The following BCL2 variants were observed in gnomAD, a reference collection of about 807,000 sequenced individuals.
BCL2 encodes BCL2 apoptosis regulator, also known as apoptosis regulator Bcl-2.
Under a neutral mutation model 14.2 loss-of-function variants are expected in BCL2, and 1 was observed. The ratio of observed to expected loss-of-function variants is 0.07; its 90% confidence interval spans 0.02 to 0.33. The LOEUF (loss-of-function observed/expected upper bound fraction) is 0.33. Among genes scored for constraint, BCL2 ranks in the 10% least tolerant of loss-of-function variants. The pLI, the probability that BCL2 is intolerant of heterozygous loss-of-function variation, is 0.99. For missense variants in BCL2, 247 were observed against 305.9 expected (o/e 0.81, Z 1.44); for synonymous variants, 151 against 137.2 (o/e 1.10, Z -0.70).
In BCL2 at chr18:63,136,964, T is replaced by C. The variant is rs575497290; in HGVS notation, c.586-8205A>G. ...ACTGCCAATTTTACCACCTGAACAC[T>C]TCTCTCTCCCTTTACCTTCTCTCCC... On this transcript the variant is annotated intron_variant, in intron 2 of 2. Transcript: ENST00000333681. 3.9e-5 allele frequency among the ~76,000 whole-genome samples: 6 copies of C among 152,346 alleles called. No individual in the cohort carries two copies. The South Asian group carries it at 1.2e-3, about 32-fold the overall frequency.
chr18:63,289,222 G>T (rs1206676658), intron 2 of BCL2, among the ~76,000 whole-genome samples: 1 of 151,950 alleles, frequency 6.6e-6, no homozygotes, highest in Non-Finnish European at 1.5e-5. Flanking sequence ...GCAAACATTT[G>T]TATATCAAAG....
Position 63,149,383 on chromosome 18 carries a change from C to T in BCL2, c.586-20624G>A, listed in dbSNP as rs1370097674. 6.6e-6 allele frequency among the ~76,000 whole-genome samples: 1 copy of T among 152,212 alleles called. No homozygotes were observed. The highest frequency in any genetic ancestry group is 1.5e-5 in the Non-Finnish European group (1 of 68,030). On this transcript the variant is annotated intron_variant, in intron 2 of 2. Transcript: ENST00000333681. The surrounding 1 kb of genome is among the most constrained non-coding windows in gnomAD (Gnocchi z 4.2). ...GAGCCGGAGCTCAGGCAGTGATGCT[C>T]GCCAGCTGCTCACCTCCTGCTGTGC...
At chr18:63,207,854 T>C (rs1351402149) in intron 2 of BCL2, 1 of 152,238 alleles carries the variant, frequency 6.6e-6, no homozygotes, top group Admixed American at 6.5e-5. Context: ...ATTAATGCTA[T>C]ATGGTTATTC....
intron 2 of BCL2, among the ~76,000 whole-genome samples, chr18:63,169,327 C>T (rs1221665478): frequency 0.018 from 656 of 36,720 alleles, 66 homozygotes; most frequent in East Asian, 0.086. Flanking sequence ...TTCCTTCTTT[C>T]CTTTCCTTCC....
At chr18:63,247,305 TCTC>T (rs1279257012) in intron 2 of BCL2, among the ~76,000 whole-genome samples, 1 of 147,228 alleles carries the variant, frequency 6.8e-6, no homozygotes, top group Admixed American at 6.7e-5. Context: ...TTCAAGCAAT[TCTC>T]CTGCCTAAGC....
chr18:63,294,819 G>A (rs1472801803), intron 2 of BCL2, among the ~76,000 whole-genome samples: 1 of 152,222 alleles, frequency 6.6e-6, no homozygotes, highest in East Asian at 1.9e-4. Context: ...CAATGTTGGA[G>A]AATTACTATC....
intron 2 of BCL2, among the ~76,000 whole-genome samples, chr18:63,290,959 C>T (rs950804201): frequency 3.3e-5 from 5 of 152,094 alleles, no homozygotes; most frequent in Admixed American, 6.5e-5. Context: ...GATAAAGCGG[C>T]TCACCATCTG....
In BCL2 at chr18:63,128,616, A is replaced by G. The variant is rs1448412683; in HGVS notation, c.*9T>C. ...TTTTGCATATTTGTTTGGGGCAGGCATGTTGACTTCACTTGTGGCCCAGAT... is the reference window on the plus strand; with the variant it reads ...TTTTGCATATTTGTTTGGGGCAGGCGTGTTGACTTCACTTGTGGCCCAGAT... On this transcript the variant is annotated 3_prime_UTR_variant, in exon 3 of 3. Coordinates refer to ENST00000333681, the MANE Select transcript of BCL2 (RefSeq NM_000633.3). 1.3e-6 allele frequency: 1 copy of G among 780,848 alleles called. No homozygotes were observed. The highest frequency in any genetic ancestry group is 1.7e-5 in the Admixed American group (1 of 59,014). The allele number at this position is 780,848 out of a possible 1,614,324, so 48.4% of individuals were successfully genotyped here. A position where few individuals can be genotyped will look rare whatever the true frequency, so the allele number is the denominator to read the frequency against.
At chr18:63,275,965 AG>A (rs1912139663) in intron 2 of BCL2, among the ~76,000 whole-genome samples, 1 of 152,258 alleles carries the variant, frequency 6.6e-6, no homozygotes, top group Non-Finnish European at 1.5e-5. Context: ...TATGGTGGGA[AG>A]GGAGTGATGG....
intron 2 of BCL2, among the ~76,000 whole-genome samples, chr18:63,246,282 T>A (rs1346797890): frequency 6.6e-6 from 1 of 152,212 alleles, no homozygotes; most frequent in African/African-American, 2.4e-5. Flanking sequence ...TTCTCAGGGC[T>A]GGCTCCTCAT....
intron 2 of BCL2, among the ~76,000 whole-genome samples, chr18:63,167,473 A>T (rs966197259): frequency 6.6e-6 from 1 of 152,218 alleles, no homozygotes; most frequent in Admixed American, 6.5e-5. Flanking sequence ...TTCTTTGGGC[A>T]CATTTAAAAA....
chr18:63,285,749 C>A (rs574726277), intron 2 of BCL2, among the ~76,000 whole-genome samples: 2 of 152,278 alleles, frequency 1.3e-5, no homozygotes, highest in East Asian at 3.9e-4. Context: ...CAGGGCAAAT[C>A]TGTCTGCATG....
At chr18:63,185,466 A>G (rs145760955) in intron 2 of BCL2, among the ~76,000 whole-genome samples, 1 of 152,366 alleles carries the variant, frequency 6.6e-6, no homozygotes, top group African/African-American at 2.4e-5. Flanking sequence ...AAGAGACAAG[A>G]AGAAGAAAAT....
intron 2 of BCL2, among the ~76,000 whole-genome samples, chr18:63,212,302 T>C (rs985331622): frequency 4.0e-5 from 6 of 151,688 alleles, no homozygotes; most frequent in African/African-American, 1.4e-4. Context: ...CACTCCAGCC[T>C]GGGCGACAGA....
intron 2 of BCL2, among the ~76,000 whole-genome samples, chr18:63,202,288 G>A (rs929494150): frequency 3.3e-5 from 5 of 152,090 alleles, no homozygotes; most frequent in African/African-American, 9.7e-5. Flanking sequence ...CAGCCTGGGC[G>A]ACAGAGCAAG....
chr18:63,250,189 A>G (rs971686891), intron 2 of BCL2, among the ~76,000 whole-genome samples: 4 of 152,256 alleles, frequency 2.6e-5, no homozygotes, highest in African/African-American at 4.8e-5. Flanking sequence ...GGAACTGCAC[A>G]TCTGAAGTTG....
At chr18:63,310,078 G>A (rs1913261794) in intron 2 of BCL2, among the ~76,000 whole-genome samples, 1 of 152,012 alleles carries the variant, frequency 6.6e-6, no homozygotes, top group Admixed American at 6.6e-5. Flanking sequence ...GGCCAGGCTG[G>A]ACTTGAACTC....
Position 63,266,637 on chromosome 18 carries a change from T to TCTCTCACACACACACA in BCL2, c.585+51444_585+51445insTGTGTGTGTGTGAGAG, listed in dbSNP as rs1491465885. Among the ~76,000 whole-genome samples the TCTCTCACACACACACA allele has an allele frequency of 3.2e-3, 277 of 85,960 alleles. 1 individual carries two copies. The highest frequency in any genetic ancestry group is 9.3e-3 in the African/African-American group (257 of 27,644). 56.4% of individuals were successfully genotyped at this position (85,960 alleles called of 152,430 possible). On this transcript the variant is annotated intron_variant, in intron 2 of 2. Transcript: ENST00000333681. ...CTCTCTCTCTCTCTCTCTCTCTCTC[T>TCTCTCACACACACACA]CACACACACACACACACACAAAAAT...
At position 63,318,556 on chromosome 18, in the gene BCL2, G is replaced by T. The variant is rs769656259; in HGVS notation, c.111C>A (p.Ala37=). The T allele has an allele frequency of 1.4e-5, 23 of 1,589,710 alleles. No homozygotes were observed. The highest frequency in any genetic ancestry group is 2.0e-5 in the Non-Finnish European group (23 of 1,170,758). The part of the protein sequence containing the change: ...GYEWDAGDVG[A]APPGAAPAPG... Reference sequence around the variant, plus strand: ...GTGCGGGGGCGGCCCCCGGGGGCGCGGCGCCCACATCTCCCGCATCCCACT... The same window carrying T: ...GTGCGGGGGCGGCCCCCGGGGGCGCTGCGCCCACATCTCCCGCATCCCACT... Residue 37 remains alanine, a synonymous_variant, in exon 2 of 3, where the codon GCC becomes GCA. Coordinates refer to ENST00000333681, the MANE Select transcript of BCL2 (RefSeq NM_000633.3). The surrounding 1 kb of genome is among the most constrained non-coding windows in gnomAD (Gnocchi z 7.4).
Sources: allele counts gnomAD v4.1 joint callset (sites outside exome capture counted in the v4.1 genomes callset), GRCh38; gene constraint gnomAD v4.1.1; non-coding constraint Gnocchi (gnomAD v3.1); transcripts MANE v1.5; gene names NCBI Gene and HGNC (gene_info 2026-07-23, HGNC 2026-07-21).